SEM1: variants seen among roughly 807,000 people sequenced by gnomAD.
The protein encoded by SEM1 is SEM1 26S proteasome subunit.
A neutral mutation model predicts 12.7 loss-of-function variants in SEM1; 3 were observed. That is an observed-to-expected ratio of 0.24 (90% CI 0.11 to 0.61). SEM1 has a LOEUF of 0.61. SEM1 is among the 20% of genes least tolerant of loss of function. The pLI is 0.88. For missense variants in SEM1, 59 were observed against 81.3 expected (o/e 0.73, Z 1.06); for synonymous variants, 30 against 27.8 (o/e 1.08, Z -0.25).
rs748126733 is a variant in SEM1, at chr7:96,663,485, C to T, written c.170+31313G>A. Among the ~76,000 whole-genome samples, 7 of 152,024 alleles carry T rather than the reference C, an allele frequency of 4.6e-5. No homozygotes were observed. In the South Asian group the frequency reaches 8.3e-4, roughly 18 times the overall value. On this transcript the variant is annotated intron_variant, in intron 2 of 2. Coordinates refer to the SEM1 transcript ENST00000417009. The stretch of plus-strand genomic sequence containing the variant: ...TGGGGGAGAGTCTGAGACTATGATT[C>T]GGGCCTGACACCTAGGAAAAGAGAG...
At chr7:96,595,926 C>T (rs1337221137) in intron 2 of SEM1, among the ~76,000 whole-genome samples, 2 of 152,070 alleles carry the variant, frequency 1.3e-5, no homozygotes, top group African/African-American at 2.4e-5. Flanking sequence ...AGGTGTGTAG[C>T]CCTGTTACAC....
At position 96,694,806 on chromosome 7, in the gene SEM1, A is replaced by G. The variant is rs1790037917; in HGVS notation, c.162T>C (p.Asn54=). The change falls in exon 2 of 3, where the codon AAT becomes AAC. Residue 54 remains asparagine, a synonymous_variant. Transcript: ENST00000248566. ...DDDNVEDDFS[N]QLRAELEKHG... The stretch of plus-strand genomic sequence containing the variant: ...TCTGGCTTAAAACTTACCGTAACTG[A>G]TTAGAGAAGTCATCCTCTACATTGT... 3.1e-6 allele frequency: 5 copies of G among 1,599,682 alleles called. No individual in the cohort carries two copies. In the East Asian group the frequency reaches 6.7e-5, roughly 21 times the overall value.
chr7:96,632,999 T>A lies in SEM1; in HGVS notation c.171-10356A>T, dbSNP rs545141450. Among the ~76,000 whole-genome samples the A allele has an allele frequency of 3.3e-5, 5 of 152,198 alleles. No individual in the cohort carries two copies. In the South Asian group the frequency reaches 1.0e-3, roughly 32 times the overall value. On this transcript the variant is annotated intron_variant, in intron 2 of 2. Transcript: ENST00000417009. ...TAGAGTTTTTTTAATTTTCTTGAATTCTTGGAGGGCCAGACACAAAGTGCT... is the reference window on the plus strand; with the variant it reads ...TAGAGTTTTTTTAATTTTCTTGAATACTTGGAGGGCCAGACACAAAGTGCT...
intron 2 of SEM1, among the ~76,000 whole-genome samples, chr7:96,613,497 C>T (rs1460533320): frequency 6.6e-6 from 1 of 152,102 alleles, no homozygotes; most frequent in African/African-American, 2.4e-5. Context: ...TCAAATCAGG[C>T]TAATTAGCGT....
In SEM1 at chr7:96,591,985, T is replaced by C. The variant is rs143505469; in HGVS notation, c.171-85287A>G. On this transcript the variant is annotated intron_variant and NMD_transcript_variant, in intron 2 of 3. Transcript: ENST00000466986. ...GCACCTGCAGTTATCTTGGTGAGTA[T>C]TGTAAATCAAAACATGTTGAGCCTT... is the stretch of plus-strand genomic sequence containing the variant. Among the ~76,000 whole-genome samples, 11 of 152,218 alleles carry C rather than the reference T, an allele frequency of 7.2e-5. No individual in the cohort carries two copies. In the East Asian group the frequency reaches 1.9e-3, roughly 27 times the overall value.
At chr7:96,579,915 T>C (rs1806330574) in intron 2 of SEM1, among the ~76,000 whole-genome samples, 1 of 150,538 alleles carries the variant, frequency 6.6e-6, no homozygotes, top group African/African-American at 2.4e-5. Context: ...TAATTATTAC[T>C]AAATTTTAAA....
chr7:96,640,019 C>T lies in SEM1; in HGVS notation c.171-17376G>A, dbSNP rs1563093820. ...GCAAATTAAAACAGCAATACAATAT[C>T]GCTACACACCTATTATAATGGCCAA... On this transcript the variant is annotated intron_variant, in intron 2 of 2. Transcript: ENST00000417009. The surrounding 1 kb of genome is among the most constrained non-coding windows in gnomAD (Gnocchi z 4.0). Among the ~76,000 whole-genome samples, 2 of 151,898 alleles carry T rather than the reference C, an allele frequency of 1.3e-5. No individual in the cohort carries two copies. Among genetic ancestry groups the T allele is most frequent in the East Asian group, 1.9e-4 (1 of 5,172 alleles).
intron 2 of SEM1, among the ~76,000 whole-genome samples, chr7:96,674,981 C>G (rs1789414638): frequency 6.6e-6 from 1 of 152,166 alleles, no homozygotes; most frequent in African/African-American, 2.4e-5. Flanking sequence ...GGCTTTGGAT[C>G]TTTTAGGAGC....
chr7:96,555,827 G>A (rs1057088853), intron 2 of SEM1, among the ~76,000 whole-genome samples: 39 of 149,942 alleles, frequency 2.6e-4, no homozygotes, highest in South Asian at 1.1e-3. Flanking sequence ...GGGAGTCTAA[G>A]TCTCTTTGTA....
At chr7:96,497,504 C>G (rs957056484), upstream of SEM1, among the ~76,000 whole-genome samples, 1 of 152,110 alleles carries the variant, frequency 6.6e-6, no homozygotes, top group Non-Finnish European at 1.5e-5. Flanking sequence ...CATACATAAA[C>G]CTGTATAGTC....
intron 2 of SEM1, among the ~76,000 whole-genome samples, chr7:96,517,052 T>G (rs1804116927): frequency 1.3e-5 from 2 of 152,102 alleles, no homozygotes; most frequent in Non-Finnish European, 2.9e-5. Context: ...AAAAGATCAG[T>G]GGTTTGTAGG....
intron 2 of SEM1, among the ~76,000 whole-genome samples, chr7:96,576,688 A>G (rs997855314): frequency 2.0e-5 from 3 of 151,986 alleles, no homozygotes; most frequent in South Asian, 2.1e-4. Context: ...CCATCATTCA[A>G]TTTACTTGGC....
chr7:96,486,592 C>T (rs896757500), intron 1 of SEM1, among the ~76,000 whole-genome samples: 3 of 152,110 alleles, frequency 2.0e-5, no homozygotes, highest in Non-Finnish European at 4.4e-5. Context: ...TTCTGCCCAG[C>T]AGGTCACCCC....
chr7:96,538,403 T>C (rs1804854141), intron 2 of SEM1, among the ~76,000 whole-genome samples: 1 of 151,836 alleles, frequency 6.6e-6, no homozygotes, highest in African/African-American at 2.4e-5. Context: ...TGTTGGGTAA[T>C]AGGAGGCAAA....
chr7:96,488,629 T>C (rs1046295548), intron 1 of SEM1, among the ~76,000 whole-genome samples: 7 of 152,088 alleles, frequency 4.6e-5, no homozygotes, highest in South Asian at 2.1e-4. Flanking sequence ...ATATTTAAAT[T>C]GGATTCTCAA....
chr7:96,680,094 T>C (rs1789562069), intron 2 of SEM1, among the ~76,000 whole-genome samples: 1 of 152,112 alleles, frequency 6.6e-6, no homozygotes, highest in Non-Finnish European at 1.5e-5. Flanking sequence ...ATAAATACTC[T>C]GACTCCCCTC....
chr7:96,527,467 A>G (rs1273727245), intron 2 of SEM1, among the ~76,000 whole-genome samples: 1 of 152,074 alleles, frequency 6.6e-6, no homozygotes, highest in Non-Finnish European at 1.5e-5. Flanking sequence ...GAACAGGGAC[A>G]TGGGCTTCCT....
At chr7:96,543,452 A>G (rs1805015852) in intron 2 of SEM1, among the ~76,000 whole-genome samples, 1 of 151,742 alleles carries the variant, frequency 6.6e-6, no homozygotes. Context: ...CAGATAAAGA[A>G]ATATATATAT....
At chr7:96,520,311 G>A (rs1162557354) in intron 2 of SEM1, among the ~76,000 whole-genome samples, 4 of 152,056 alleles carry the variant, frequency 2.6e-5, no homozygotes, top group Admixed American at 6.6e-5. Flanking sequence ...AATCAGCTGG[G>A]GGCTCAGTTT....
Sources: gnomAD v4.1 joint callset for allele counts (sites outside exome capture counted in the v4.1 genomes callset) on GRCh38, gnomAD v4.1.1 for gene constraint, Gnocchi (gnomAD v3.1) non-coding constraint, MANE v1.5 for transcripts, NCBI Gene and HGNC (gene_info 2026-07-23, HGNC 2026-07-21) for gene names.